INPP4B: variants seen among roughly 807,000 people sequenced by gnomAD.
INPP4B encodes inositol polyphosphate 4-phosphatase type II.
INPP4B carries 55 observed loss-of-function variants against 122.5 expected under a neutral mutation model. That is an observed-to-expected ratio of 0.45 (90% CI 0.36 to 0.56). The LOEUF (loss-of-function observed/expected upper bound fraction) is 0.56, where lower values mean the gene tolerates loss of function less well. INPP4B is among the 20% of genes least tolerant of loss of function. The probability of loss-of-function intolerance (pLI) is 0.00; values close to 1 mark genes in which losing one functional copy is unlikely to be tolerated. For synonymous variants in INPP4B, 403 were observed against 388.7 expected (o/e 1.04, Z -0.43); for missense variants, 1,000 against 1,097.7 (o/e 0.91, Z 1.26).
intron 3 of INPP4B, among the ~76,000 whole-genome samples, chr4:142,449,827 G>C (rs1208843566): frequency 1.3e-5 from 2 of 152,136 alleles, no homozygotes; most frequent in Non-Finnish European, 2.9e-5. Context: ...AGATGAATAG[G>C]GAATTCTGCC....
chr4:142,461,360 G>A (rs1463041454), intron 3 of INPP4B, among the ~76,000 whole-genome samples: 2 of 152,162 alleles, frequency 1.3e-5, no homozygotes, highest in Non-Finnish European at 2.9e-5. Flanking sequence ...GATTAACTGA[G>A]ATGCAAACAG....
At chr4:142,513,413 CT>C (rs200942087) in intron 2 of INPP4B, among the ~76,000 whole-genome samples, 42 of 146,562 alleles carry the variant, frequency 2.9e-4, no homozygotes, top group East Asian at 8.0e-4. Context: ...GGGTCTCTCT[CT>C]TTTTTTTTTT....
intron 2 of INPP4B, among the ~76,000 whole-genome samples, chr4:142,608,864 T>C (rs1741881400): frequency 6.6e-6 from 1 of 152,178 alleles, no homozygotes; most frequent in South Asian, 2.1e-4. Flanking sequence ...ACACACACTT[T>C]CTGTTCCCAT....
chr4:142,530,550 CAT>C (rs35595178), intron 2 of INPP4B, among the ~76,000 whole-genome samples: 41,446 of 139,848 alleles, frequency 0.3, 6,126 homozygotes, highest in East Asian at 0.58. Flanking sequence ...TATGTGTGTG[CAT>C]ATATATATAT....
At chr4:142,214,402 T>G (rs1261605234) in intron 12 of INPP4B, among the ~76,000 whole-genome samples, 1 of 152,220 alleles carries the variant, frequency 6.6e-6, no homozygotes, top group Non-Finnish European at 1.5e-5. Flanking sequence ...TCTTCTGAGA[T>G]GTCCTTCTTG....
chr4:142,760,746 C>A (rs1214564706), intron 1 of INPP4B, among the ~76,000 whole-genome samples: 3 of 152,128 alleles, frequency 2.0e-5, no homozygotes, highest in African/African-American at 7.2e-5. Context: ...GTTCCCTGAA[C>A]AAACCATGCT....
At chr4:142,402,568 C>T (rs1399621222) in intron 7 of INPP4B, among the ~76,000 whole-genome samples, 1 of 152,154 alleles carries the variant, frequency 6.6e-6, no homozygotes, top group Non-Finnish European at 1.5e-5. Flanking sequence ...AAAAGTAGAG[C>T]ACTTTGTCAA....
chr4:142,407,420 A>C (rs1335461946), intron 5 of INPP4B, among the ~76,000 whole-genome samples: 1 of 152,048 alleles, frequency 6.6e-6, no homozygotes, highest in Non-Finnish European at 1.5e-5. Flanking sequence ...GGCTGTGGTT[A>C]TTTCCCAGAA....
chr4:142,434,193 G>A (rs756521450), intron 3 of INPP4B, among the ~76,000 whole-genome samples: 4 of 152,166 alleles, frequency 2.6e-5, no homozygotes, highest in Non-Finnish European at 5.9e-5. Context: ...AGTGAACTAT[G>A]GTGATGTACC....
At chr4:142,450,975 T>TCC (rs34678278) in intron 3 of INPP4B, among the ~76,000 whole-genome samples, 1,592 of 146,062 alleles carry the variant, frequency 0.011, 20 homozygotes, top group African/African-American at 0.036. Context: ...TAAAATTAAC[T>TCC]CCCCCCCCCA....
chr4:142,330,534 C>G (rs1774067412), intron 7 of INPP4B, among the ~76,000 whole-genome samples: 1 of 152,150 alleles, frequency 6.6e-6, no homozygotes, highest in Admixed American at 6.5e-5. Flanking sequence ...TATGTGCACA[C>G]ACGCACACAC....
chr4:142,573,108 G>C (rs190288063), intron 2 of INPP4B, among the ~76,000 whole-genome samples: 39 of 152,068 alleles, frequency 2.6e-4, no homozygotes, highest in Middle Eastern at 3.4e-3. Context: ...GGGGAAGCAA[G>C]GACATCTTAC....
intron 1 of INPP4B, among the ~76,000 whole-genome samples, chr4:142,824,390 T>G (rs1435170240): frequency 6.6e-6 from 1 of 152,120 alleles, no homozygotes; most frequent in East Asian, 1.9e-4. Context: ...AAAATAGTCC[T>G]CTAGGCTCTT....
chr4:142,370,099 T>C (rs1789291546), intron 7 of INPP4B, among the ~76,000 whole-genome samples: 1 of 152,132 alleles, frequency 6.6e-6, no homozygotes, highest in Non-Finnish European at 1.5e-5. Context: ...CATACTCTCA[T>C]TTATAGATCC....
intron 2 of INPP4B, among the ~76,000 whole-genome samples, chr4:142,702,730 C>CAAAAAAAAAAAAAAAAAAAAAAAAAAAAA (rs35472471): frequency 1.6e-5 from 1 of 64,326 alleles, no homozygotes; most frequent in African/African-American, 6.1e-5. Flanking sequence ...AACTCCGTCT[C>CAAAAAAAAAAAAAAAAAAAAAAAAAAAAA]AAAAAAAAAA....
intron 2 of INPP4B, among the ~76,000 whole-genome samples, chr4:142,597,627 T>C (rs377759304): frequency 3.9e-5 from 6 of 152,208 alleles, no homozygotes; most frequent in African/African-American, 1.4e-4. Context: ...TATAAATCCA[T>C]GAATCTGTAA....
chr4:142,317,657 T>C (rs1467601886), intron 7 of INPP4B: 1 of 152,710 alleles, frequency 6.5e-6, no homozygotes, highest in Non-Finnish European at 1.5e-5. Context: ...TAAGAAATAA[T>C]TCTGAGGATT....
chr4:142,591,224 G>T (rs549001490), intron 2 of INPP4B, among the ~76,000 whole-genome samples: 18 of 152,066 alleles, frequency 1.2e-4, no homozygotes, highest in African/African-American at 3.6e-4. Flanking sequence ...AGTCGAGGTT[G>T]CAGTGAGCTA....
At chr4:142,591,855 A>G (rs1037439853) in intron 2 of INPP4B, among the ~76,000 whole-genome samples, 2 of 152,218 alleles carry the variant, frequency 1.3e-5, no homozygotes, top group African/African-American at 4.8e-5. Flanking sequence ...AAAACTGTCA[A>G]GGTCATAAAA....
Sources: allele counts gnomAD v4.1 joint callset (sites outside exome capture counted in the v4.1 genomes callset), GRCh38; gene constraint gnomAD v4.1.1; transcripts MANE v1.5; gene names NCBI Gene and HGNC (gene_info 2026-07-23, HGNC 2026-07-21).